The following E2F5 variants were observed in gnomAD, a reference collection of about 807,000 sequenced individuals.
E2F5 encodes the protein E2F transcription factor 5.
Under a neutral mutation model 39.1 loss-of-function variants are expected in E2F5, and 23 were observed. The ratio of observed to expected loss-of-function variants is 0.59; its 90% CI spans 0.42 to 0.83. E2F5 has a LOEUF of 0.83. Ranked by LOEUF, E2F5 falls within the 40% of genes least tolerant of loss-of-function variation. The pLI is 0.00. For synonymous variants in E2F5, 145 were observed against 157.8 expected, an observed-to-expected ratio of 0.92 and a Z score of 0.61; for missense variants, 365 against 406.7, an observed-to-expected ratio of 0.90 and a Z score of 0.88.
Position 85,186,148 on chromosome 8 carries a change from G to A in E2F5, c.234+8494G>A, listed in dbSNP as rs186728267. Among the ~76,000 whole-genome samples the A allele has an allele frequency of 3.3e-5, 5 of 152,222 alleles. No individual in the cohort carries two copies. In the East Asian group the frequency reaches 9.6e-4, roughly 29 times the overall value. On this transcript the variant is annotated intron_variant, in intron 1 of 7. Coordinates refer to ENST00000416274, the MANE Select transcript of E2F5 (RefSeq NM_001951.4). Reference sequence around the variant, plus strand: ...TGGTAGACTGGATAAAGAAAATCTGGCACATATACACCATGGAATACTATG... The same window carrying A: ...TGGTAGACTGGATAAAGAAAATCTGACACATATACACCATGGAATACTATG...
intron 1 of E2F5, among the ~76,000 whole-genome samples, chr8:85,198,860 C>A (rs1307795621): frequency 1.3e-5 from 2 of 152,120 alleles, no homozygotes; most frequent in Admixed American, 1.3e-4. Context: ...CTCTCGTGTC[C>A]AGTGGTCTTG....
intron 1 of E2F5, chr8:85,200,448 C>A (rs965337375): frequency 4.8e-5 from 17 of 352,850 alleles, no homozygotes; most frequent in African/African-American, 3.8e-4. Flanking sequence ...AACAAGACAC[C>A]TTTTTAAAAC....
At chr8:85,205,671 TTGTTGTCTTAACCA>T (rs1812789260) in intron 3 of E2F5, among the ~76,000 whole-genome samples, 1 of 152,190 alleles carries the variant, frequency 6.6e-6, no homozygotes, top group Non-Finnish European at 1.5e-5. Context: ...CCTGACCACC[TTGTTGTCTTAACCA>T]TGTGGCCCTG....
chr8:85,202,988 T>A (rs1268951127), intron 2 of E2F5, 106 bp from the exon 3 acceptor site: 3 of 845,210 alleles, frequency 3.5e-6, no homozygotes, highest in Non-Finnish European at 4.8e-6. Flanking sequence ...TGTAAAGACT[T>A]CTGTCTTGAA....
chr8:85,193,699 C>T (rs959606859), intron 1 of E2F5, among the ~76,000 whole-genome samples: 1 of 152,138 alleles, frequency 6.6e-6, no homozygotes, highest in African/African-American at 2.4e-5. Context: ...ATTAGAATAC[C>T]CTTTTCTAGA....
intron 5 of E2F5, among the ~76,000 whole-genome samples, chr8:85,208,569 T>C (rs2129749300): frequency 6.6e-6 from 1 of 152,290 alleles, no homozygotes; most frequent in South Asian, 2.1e-4. Flanking sequence ...AGAAAAAGAT[T>C]ACTATATTAT....
chr8:85,207,353 G>A (rs1812820740), intron 4 of E2F5, 72 bp from the exon 5 acceptor site: 1 of 1,317,750 alleles, frequency 7.6e-7, no homozygotes, highest in South Asian at 1.3e-5. Flanking sequence ...TGATTCCAGA[G>A]CCCACATTCT....
rs546530344 is a variant in E2F5 at position 85,179,810 on chromosome 8, C to T, written c.234+2156C>T. Among the ~76,000 whole-genome samples, 3 of 151,972 alleles carry T rather than the reference C, an allele frequency of 2.0e-5. No individual in the cohort carries two copies. The East Asian group carries it at 5.9e-4, about 30-fold the overall frequency. On this transcript the variant is annotated intron_variant, in intron 1 of 7. Transcript: ENST00000416274. ...GAGTAGCTCGGACTACAGGCGCCCG[C>T]CAGCGCACCCAGCTAATTTTTTTGT...
chr8:85,201,275 T>A (rs190036600), intron 1 of E2F5, among the ~76,000 whole-genome samples: 6 of 152,366 alleles, frequency 3.9e-5, no homozygotes, highest in Admixed American at 2.0e-4. Flanking sequence ...CATTTAGATA[T>A]TTTAGATAAT....
At chr8:85,204,655 C>T (rs1321724771) in intron 3 of E2F5, among the ~76,000 whole-genome samples, 1 of 151,742 alleles carries the variant, frequency 6.6e-6, no homozygotes, top group Admixed American at 6.6e-5. Flanking sequence ...AACAAACCTG[C>T]ACGTTGTGCA....
At chr8:85,204,440 GA>G (rs1248664552) in intron 3 of E2F5, among the ~76,000 whole-genome samples, 3 of 147,858 alleles carry the variant, frequency 2.0e-5, no homozygotes, top group Non-Finnish European at 4.4e-5. Flanking sequence ...CTATCGCAAG[GA>G]CAAAAAAACC....
At chr8:85,204,264 G>GAT (rs1386392023) in intron 3 of E2F5, among the ~76,000 whole-genome samples, 2 of 151,998 alleles carry the variant, frequency 1.3e-5, no homozygotes, top group African/African-American at 4.8e-5. Flanking sequence ...GGTTATGTGT[G>GAT]ATATATATAA....
chr8:85,198,752 T>G (rs1441805704), intron 1 of E2F5, among the ~76,000 whole-genome samples: 3 of 152,212 alleles, frequency 2.0e-5, no homozygotes, highest in Admixed American at 6.5e-5. Flanking sequence ...TCACCTCCTA[T>G]GTCAAACTAG....
chr8:85,188,039 AAAAG>A (rs1252842442), intron 1 of E2F5, among the ~76,000 whole-genome samples: 2 of 152,218 alleles, frequency 1.3e-5, no homozygotes, highest in Non-Finnish European at 2.9e-5. Flanking sequence ...CAAACAAACA[AAAAG>A]AAACCTAACA....
At chr8:85,182,766 T>C (rs4150847) in intron 1 of E2F5, among the ~76,000 whole-genome samples, 3,123 of 152,342 alleles carry the variant, frequency 0.02, 61 homozygotes, top group Non-Finnish European at 0.032. Flanking sequence ...GCCATTTTGG[T>C]GTCAGTATGA....
intron 3 of E2F5, among the ~76,000 whole-genome samples, chr8:85,205,322 A>AC (rs1020197176): frequency 3.3e-5 from 5 of 149,660 alleles, no homozygotes; most frequent in Non-Finnish European, 5.9e-5. Flanking sequence ...TGCAACCTCC[A>AC]CCCCCCGGGT....
chr8:85,177,447 G>C lies in E2F5; in HGVS notation c.27G>C (p.Ser9=), dbSNP rs1056259238. Residue 9 remains serine, a synonymous_variant, in exon 1 of 8, where the codon TCG becomes TCC. Transcript: ENST00000416274. The part of the protein sequence containing the change: MAAAEPAS[S]GQQAPAGQGQ... ...TGGCGGCGGCAGAGCCCGCGAGCTC[G>C]GGCCAGCAGGCGCCGGCAGGGCAGG... The C allele has an allele frequency of 8.0e-6, 8 of 994,646 alleles. No homozygotes were observed. The highest frequency in any genetic ancestry group is 1.2e-4 in the Admixed American group (2 of 16,366). 61.6% of individuals were successfully genotyped at this position (994,646 alleles called of 1,614,324 possible).
chr8:85,180,010 A>T (rs1454855643), intron 1 of E2F5, among the ~76,000 whole-genome samples: 3 of 148,916 alleles, frequency 2.0e-5, no homozygotes, highest in Non-Finnish European at 1.5e-5. Flanking sequence ...TATACACCAT[A>T]GTAAAAGATC....
At chr8:85,190,538 C>G (rs1812438960) in intron 1 of E2F5, among the ~76,000 whole-genome samples, 1 of 119,182 alleles carries the variant, frequency 8.4e-6, no homozygotes, top group East Asian at 2.5e-4. Context: ...GAGTCTCGCT[C>G]TGTCACCCAG....
Sources: allele counts gnomAD v4.1 joint callset (sites outside exome capture counted in the v4.1 genomes callset), GRCh38; gene constraint gnomAD v4.1.1; transcripts MANE v1.5; gene names NCBI Gene and HGNC (gene_info 2026-07-23, HGNC 2026-07-21).